Variants in HMG20A observed in about 807,000 individuals in gnomAD.
The protein encoded by HMG20A is high mobility group 20A.
HMG20A carries 17 observed loss-of-function variants against 43.9 expected under a neutral mutation model. That is an observed-to-expected ratio of 0.39 (90% confidence interval 0.27 to 0.58). HMG20A has a LOEUF of 0.58. Among genes scored for constraint, HMG20A ranks in the 20% least tolerant of loss-of-function variants. The probability of loss-of-function intolerance (pLI) is 0.59; values close to 1 mark genes in which losing one functional copy is unlikely to be tolerated. For synonymous variants in HMG20A, 132 were observed against 147.5 expected (o/e 0.89, Z 0.76); for missense variants, 341 against 438.2 (o/e 0.78, Z 1.98).
Position 77,465,734 on chromosome 15 carries a change from C to T in HMG20A, c.237+1347C>T, listed in dbSNP as rs75626971. On this transcript the variant is annotated intron_variant, in intron 3 of 9. Coordinates refer to ENST00000336216, the MANE Select transcript of HMG20A (RefSeq NM_001304504.2). ...GTAACTAGGTTTAAAAAAAGAAAAA[C>T]CTAATACCAAATACATAATTTGCCC... is the stretch of plus-strand genomic sequence containing the variant. 2.8e-3 allele frequency among the ~76,000 whole-genome samples: 432 copies of T among 152,200 alleles called. 1 individual carries two copies. The highest frequency in any genetic ancestry group is 0.01 in the African/African-American group (420 of 41,510).
chr15:77,473,522 G>T (rs563764081), intron 6 of HMG20A, among the ~76,000 whole-genome samples: 1 of 152,260 alleles, frequency 6.6e-6, no homozygotes, highest in African/African-American at 2.4e-5. Flanking sequence ...CATCTGAATA[G>T]GTGTCAGTCA....
the HMG20A span, among the ~76,000 whole-genome samples, chr15:77,508,058 CA>C: frequency 6.6e-6 from 1 of 152,152 alleles, no homozygotes; most frequent in Non-Finnish European, 1.5e-5. Context: ...GTCTCCAGGC[CA>C]AGGCTATTTT....
intron 1 of HMG20A, among the ~76,000 whole-genome samples, chr15:77,425,252 T>C (rs2073414996): frequency 6.6e-6 from 1 of 152,226 alleles, no homozygotes. Flanking sequence ...AGGTAGAGTT[T>C]ATGCCTTCCC....
At chr15:77,493,035 C>CT in the HMG20A span, among the ~76,000 whole-genome samples, 1 of 152,128 alleles carries the variant, frequency 6.6e-6, no homozygotes, top group Non-Finnish European at 1.5e-5. Context: ...ATGCAGTCTA[C>CT]TTTCATTACT....
chr15:77,453,377 G>A (rs1050028237), intron 1 of HMG20A, among the ~76,000 whole-genome samples: 2 of 152,094 alleles, frequency 1.3e-5, no homozygotes, highest in African/African-American at 4.8e-5. Context: ...AAATCACAAT[G>A]AGATACCACT....
chr15:77,505,996 G>A, the HMG20A span, among the ~76,000 whole-genome samples: 1 of 148,278 alleles, frequency 6.7e-6, no homozygotes, highest in South Asian at 2.2e-4. Flanking sequence ...CAGCTGCTGG[G>A]ATAAACTACC....
At chr15:77,464,154 G>A (rs966553890) in intron 2 of HMG20A, 86 bp from the exon 3 acceptor site, 1 of 1,413,552 alleles carries the variant, frequency 7.1e-7, no homozygotes, top group African/African-American at 1.4e-5. Context: ...GGACTGGCAT[G>A]TGCTTTTGCT....
the HMG20A span, among the ~76,000 whole-genome samples, chr15:77,500,959 C>A: frequency 2.0e-5 from 3 of 152,182 alleles, no homozygotes; most frequent in Non-Finnish European, 4.4e-5. Flanking sequence ...GCTCTGCAAG[C>A]CCAGATCAGA....
intron 1 of HMG20A, among the ~76,000 whole-genome samples, chr15:77,435,611 A>G (rs1249215874): frequency 6.6e-6 from 1 of 152,018 alleles, no homozygotes; most frequent in Non-Finnish European, 1.5e-5. Flanking sequence ...TTGTACTTTA[A>G]GTTTACTTAA....
At chr15:77,466,862 G>T (rs1277363169) in intron 3 of HMG20A, among the ~76,000 whole-genome samples, 1 of 152,190 alleles carries the variant, frequency 6.6e-6, no homozygotes. Flanking sequence ...GTAACATTTT[G>T]TAGTGTGATA....
At chr15:77,455,082 C>T (rs2142319233) in intron 1 of HMG20A, among the ~76,000 whole-genome samples, 1 of 151,548 alleles carries the variant, frequency 6.6e-6, no homozygotes, top group African/African-American at 2.4e-5. Flanking sequence ...AAGAAAAGGG[C>T]ACTTGAAAAG....
At chr15:77,438,967 A>C (rs1203893621) in intron 1 of HMG20A, among the ~76,000 whole-genome samples, 2 of 151,086 alleles carry the variant, frequency 1.3e-5, no homozygotes, top group Non-Finnish European at 3.0e-5. Context: ...ATTTTTTTGT[A>C]TTTTTTTAGT....
At chr15:77,421,360 G>A (rs1357358539) in intron 1 of HMG20A, among the ~76,000 whole-genome samples, 1 of 152,240 alleles carries the variant, frequency 6.6e-6, no homozygotes, top group African/African-American at 2.4e-5. Context: ...ACACCAACCT[G>A]CAGTCAGAAT....
the HMG20A span, among the ~76,000 whole-genome samples, chr15:77,511,077 A>G: frequency 6.6e-6 from 1 of 152,232 alleles, no homozygotes; most frequent in Non-Finnish European, 1.5e-5. Context: ...GAGACTGGCT[A>G]CATGCAAGGG....
At chr15:77,465,400 GT>G (rs71145838) in intron 3 of HMG20A, among the ~76,000 whole-genome samples, 67 of 137,366 alleles carry the variant, frequency 4.9e-4, no homozygotes, top group Admixed American at 2.0e-3. Flanking sequence ...GTTGTTTTTT[GT>G]TTTTTTTTTT....
At chr15:77,478,551 G>GTGTGT (rs1471540905) in intron 8 of HMG20A, 41 bp downstream of exon 8, 1 of 1,521,504 alleles carries the variant, frequency 6.6e-7, no homozygotes, top group East Asian at 2.3e-5. Context: ...ACAGGGGTGT[G>GTGTGT]TGTGTTGTGT....
chr15:77,477,422 T>G (rs1343070064), intron 6 of HMG20A, 133 bp from the exon 7 acceptor site: 1 of 651,630 alleles, frequency 1.5e-6, no homozygotes, highest in Non-Finnish European at 2.6e-6. Flanking sequence ...TACATTTCCC[T>G]CACAGACTCA....
chr15:77,436,736 G>A (rs2073553121), intron 1 of HMG20A, among the ~76,000 whole-genome samples: 1 of 152,114 alleles, frequency 6.6e-6, no homozygotes, highest in African/African-American at 2.4e-5. Context: ...TGGGATTCAG[G>A]TGTGAGCCAC....
chr15:77,428,917 C>T (rs1404751532), intron 1 of HMG20A, among the ~76,000 whole-genome samples: 3 of 149,922 alleles, frequency 2.0e-5, no homozygotes, highest in Admixed American at 1.3e-4. Flanking sequence ...GAGCTGTTAT[C>T]GAGCCACTGC....
Sources: gnomAD v4.1 joint callset for allele counts (sites outside exome capture counted in the v4.1 genomes callset) on GRCh38, gnomAD v4.1.1 for gene constraint, MANE v1.5 for transcripts, NCBI Gene and HGNC (gene_info 2026-07-23, HGNC 2026-07-21) for gene names.